The following TAF6 variants were observed in gnomAD, a reference collection of about 807,000 sequenced individuals.
TAF6 encodes the protein transcription initiation factor TFIID subunit 6.
A neutral mutation model predicts 73.5 loss-of-function variants in TAF6; 50 were observed. The observed-to-expected ratio is 0.68, with a 90% CI of 0.54 to 0.86. The LOEUF (loss-of-function observed/expected upper bound fraction) is 0.86, where lower values mean the gene tolerates loss of function less well. TAF6 is among the 40% of genes least tolerant of loss of function. The probability of loss-of-function intolerance (pLI) is 0.00; values close to 1 mark genes in which losing one functional copy is unlikely to be tolerated. For missense variants in TAF6, 768 were observed against 899.5 expected, an observed-to-expected ratio of 0.85 and a Z score of 1.87; for synonymous variants, 424 against 376.7, an observed-to-expected ratio of 1.13 and a Z score of -1.45.
At chr7:100,124,778 A>G (rs1258390056), upstream of TAF6, 1 of 1,613,734 alleles carries the variant, frequency 6.2e-7, no homozygotes, top group Admixed American at 1.7e-5. Flanking sequence ...GGAAGAGAAA[A>G]CAGAAGGGGA....
chr7:100,113,797 A>G (rs1263459721), intron 3 of TAF6, 28 bp from the exon 4 acceptor site: 2 of 1,613,632 alleles, frequency 1.2e-6, no homozygotes, highest in Non-Finnish European at 8.5e-7. Flanking sequence ...GGCATGGGTA[A>G]GAAGGGAGCC....
chr7:100,121,116 A>ATATT (rs1584585316), upstream of TAF6: 1 of 52,776 alleles, frequency 1.9e-5, no homozygotes, highest in East Asian at 4.9e-4. Flanking sequence ...ATATATATAT[A>ATATT]TTTTTTTTTT....
upstream of TAF6, among the ~76,000 whole-genome samples, chr7:100,121,862 A>G (rs2116894591): frequency 6.7e-6 from 1 of 149,272 alleles, no homozygotes; most frequent in East Asian, 2.0e-4. Flanking sequence ...CATCCTGGCT[A>G]ACACGGTGAA....
intron 1 of TAF6, chr7:100,115,479 T>C (rs1055323177): frequency 3.9e-5 from 6 of 152,076 alleles, no homozygotes; most frequent in Admixed American, 2.0e-4. Flanking sequence ...CTGAGCAACA[T>C]GGTAAAACCC....
chr7:100,107,675 A>G (rs753340788), intron 14 of TAF6, 52 bp from the exon 15 acceptor site: 9 of 1,592,010 alleles, frequency 5.7e-6, no homozygotes, highest in Non-Finnish European at 7.7e-6. Context: ...CCTGCCCCCC[A>G]GAGGCCTGGC....
At chr7:100,110,383 G>T in intron 10 of TAF6, 109 bp from the exon 11 acceptor site, 1 of 1,255,142 alleles carries the variant, frequency 8.0e-7, no homozygotes, top group South Asian at 1.2e-5. Flanking sequence ...ACATTACAAT[G>T]AGGCCAGACG....
chr7:100,124,879 A>T, the TAF6 span: 4 of 1,595,956 alleles, frequency 2.5e-6, no homozygotes, highest in Admixed American at 1.7e-5. Flanking sequence ...TTGACCGAGA[A>T]GATCTTTGAC....
chr7:100,109,855 A>G, intron 12 of TAF6, 93 bp downstream of exon 12: 1 of 1,548,144 alleles, frequency 6.5e-7, no homozygotes, highest in Non-Finnish European at 8.7e-7. Flanking sequence ...AACATGAGGC[A>G]AAGATGGGAG....
Position 100,108,514 on chromosome 7 carries a change from C to T in TAF6, c.1311G>A (p.Lys437=), listed in dbSNP as rs1160818775. Reference sequence around the variant, plus strand: ...CCTGATTGTCAGGCGGTGGGCGCAGCTTTGCCAGAACAGGAGCACAGTGTT... The same window carrying T: ...CCTGATTGTCAGGCGGTGGGCGCAGTTTTGCCAGAACAGGAGCACAGTGTT... ...LLKHCAPVLA[K]LRPPPDNQDA... Residue 437 remains lysine, a synonymous_variant, in exon 13 of 15, where the codon AAG becomes AAA. Coordinates refer to ENST00000453269, the MANE Select transcript of TAF6 (RefSeq NM_139315.3). 6.2e-7 allele frequency: 1 copy of T among 1,612,114 alleles called. No individual in the cohort carries two copies. The highest frequency in any genetic ancestry group is 1.1e-5 in the South Asian group (1 of 91,022).
intron 6 of TAF6, 62 bp downstream of exon 6, chr7:100,112,731 GAAACA>G: frequency 3.9e-5 from 59 of 1,497,648 alleles, no homozygotes; most frequent in Non-Finnish European, 5.1e-5. Flanking sequence ...AAAAAAAAAG[GAAACA>G]AAACAAACGG....
Position 100,107,504 on chromosome 7 carries a change from G to A in TAF6, c.1776C>T (p.Pro592=). ...CAGGACCAGAGGGAGCAGTGCTGGGGGGTGCGGTGGTGGCGGTGGAGACCA... is the reference window on the plus strand; with the variant it reads ...CAGGACCAGAGGGAGCAGTGCTGGGAGGTGCGGTGGTGGCGGTGGAGACCA... The part of the protein sequence containing the change: ...VKLVSTATTA[P]PSTAPSGPGS... Residue 592 remains proline (P), a synonymous_variant, in exon 15 of 15, where the codon CCC becomes CCT. Coordinates refer to ENST00000453269, the MANE Select transcript of TAF6 (RefSeq NM_139315.3). 6.2e-7 allele frequency: 1 copy of A among 1,614,152 alleles called. No individual in the cohort carries two copies.
chr7:100,122,799 A>G (rs755474234), upstream of TAF6: 6 of 1,613,688 alleles, frequency 3.7e-6, no homozygotes, highest in Middle Eastern at 3.3e-4. Context: ...GAGTCAGACC[A>G]TGGCAACACT....
chr7:100,123,851 C>G (rs574115145), upstream of TAF6, among the ~76,000 whole-genome samples: 1 of 152,298 alleles, frequency 6.6e-6, no homozygotes, highest in South Asian at 2.1e-4. Context: ...TAATAATGGG[C>G]CAGGTGCGAT....
At chr7:100,113,176 G>T (rs1584556614) in intron 5 of TAF6, among the ~76,000 whole-genome samples, 173 bp downstream of exon 5, 1 of 152,108 alleles carries the variant, frequency 6.6e-6, no homozygotes, top group East Asian at 1.9e-4. Context: ...TGAGACACAA[G>T]AATCGCGTGA....
chr7:100,108,172 G>C (rs1302160232), intron 13 of TAF6, 49 bp from the exon 14 acceptor site: 1 of 1,541,206 alleles, frequency 6.5e-7, no homozygotes, highest in East Asian at 2.3e-5. Context: ...ACTAAGAAGA[G>C]GAGTCTGAAG....
chr7:100,118,054 A>AC (rs1456297716), intron 1 of TAF6, among the ~76,000 whole-genome samples: 3 of 150,354 alleles, frequency 2.0e-5, no homozygotes, highest in African/African-American at 7.3e-5. Flanking sequence ...TCAAAAAAAA[A>AC]AAAAAAACAA....
upstream of TAF6, chr7:100,122,984 AGG>A: frequency 6.8e-7 from 1 of 1,470,794 alleles, no homozygotes; most frequent in East Asian, 2.3e-5. Context: ...GTTTGACTAT[AGG>A]GGATGTCTAC....
chr7:100,113,284 A>G, intron 5 of TAF6, 65 bp downstream of exon 5: 2 of 1,430,768 alleles, frequency 1.4e-6, no homozygotes, highest in Middle Eastern at 2.0e-4. Context: ...CTCTGTCTCA[A>G]AAAAAAAAGG....
chr7:100,119,020 C>T lies in TAF6; in HGVS notation c.-60+184G>A, dbSNP rs538522964. 56 of 985,754 alleles carry T rather than the reference C, an allele frequency of 5.7e-5. 1 individual carries two copies. The South Asian group carries it at 2.3e-3, about 40-fold the overall frequency. The allele number at this position is 985,754 out of a possible 1,614,324, so 61.1% of individuals were successfully genotyped here. A position where few individuals can be genotyped will look rare whatever the true frequency, so the allele number is the denominator to read the frequency against. ...CTACAGTCACAGGATCTCCTCAGAT[C>T]AGTGGAGGCGGCAGGAAGGCGTCCC... On this transcript the variant is annotated intron_variant, in intron 1 of 14. Transcript: ENST00000453269.
Sources: gnomAD v4.1 joint callset for allele counts (sites outside exome capture counted in the v4.1 genomes callset) on GRCh38, gnomAD v4.1.1 for gene constraint, MANE v1.5 for transcripts, NCBI Gene and HGNC (gene_info 2026-07-23, HGNC 2026-07-21) for gene names.